GTF2H5: variants seen among roughly 807,000 people sequenced by gnomAD.
GTF2H5 encodes TFB5 ortholog.
A neutral mutation model predicts 7.1 loss-of-function variants in GTF2H5; 5 were observed. The ratio of observed to expected loss-of-function variants is 0.71; its 90% confidence interval spans 0.37 to 1.49. The LOEUF (loss-of-function observed/expected upper bound fraction) is 1.49, where lower values mean the gene tolerates loss of function less well. GTF2H5 is among the 40% of genes most tolerant of loss of function. GTF2H5 has a pLI of 0.03. For missense variants in GTF2H5, 80 were observed against 83.0 expected (o/e 0.96, Z 0.14); for synonymous variants, 30 against 31.7 (o/e 0.95, Z 0.18).
At chr6:158,183,129 CA>C (rs1232388790) in intron 2 of GTF2H5, among the ~76,000 whole-genome samples, 2 of 152,186 alleles carry the variant, frequency 1.3e-5, no homozygotes, top group Non-Finnish European at 2.9e-5. Context: ...TTCTAACAGA[CA>C]GGACCCTCAG....
At chr6:158,169,780 G>GTATATTATATATTATATAATATATTT (rs1785816961) in intron 1 of GTF2H5, among the ~76,000 whole-genome samples, 1 of 76,176 alleles carries the variant, frequency 1.3e-5, no homozygotes, top group Non-Finnish European at 2.4e-5. Context: ...ATAATATATT[G>GTATATTATATATTATATAATATATTT]TATATTATAT....
chr6:158,170,059 T>C (rs1259795784), intron 1 of GTF2H5, among the ~76,000 whole-genome samples: 1 of 151,764 alleles, frequency 6.6e-6, no homozygotes, highest in Admixed American at 6.6e-5. Context: ...GTGGTTGGGC[T>C]CACTGTATAA....
Position 158,170,469 on chromosome 6 carries a change from G to A in GTF2H5, c.-34-1G>A, listed in dbSNP as rs749820176. 5 of 1,556,364 alleles carry A rather than the reference G, an allele frequency of 3.2e-6. No homozygotes were observed. The highest frequency in any genetic ancestry group is 3.3e-5 in the Admixed American group (2 of 59,930). ...TAATGTTACCTTACTCTTTTTATTAGCATTCTTCAGGTCATCTGAACCTTC... is the reference window on the plus strand; with the variant it reads ...TAATGTTACCTTACTCTTTTTATTAACATTCTTCAGGTCATCTGAACCTTC... On this transcript the variant is annotated splice_acceptor_variant, in intron 1 of 2. Transcript: ENST00000607778. LOFTEE classifies it low-confidence loss of function (5UTR_SPLICE).
rs1371170622 is a variant in GTF2H5, at chr6:158,192,165, C to G, written c.*8C>G. 1.9e-6 allele frequency: 3 copies of G among 1,600,524 alleles called. No homozygotes were observed. The highest frequency in any genetic ancestry group is 2.7e-5 in the African/African-American group (2 of 74,624). On this transcript the variant is annotated 3_prime_UTR_variant, in exon 3 of 3. Transcript: ENST00000607778. ...TCCCTTACCCAGAAATGAAAATACT[C>G]AATATGGACCATTTAGGAATTATAA...
intron 1 of GTF2H5, among the ~76,000 whole-genome samples, chr6:158,169,798 A>G (rs1319493172): frequency 9.4e-6 from 1 of 106,246 alleles, no homozygotes; most frequent in African/African-American, 3.7e-5. Flanking sequence ...TATATTATAT[A>G]TTGTATATTA....
chr6:158,186,876 G>A (rs1776933663), intron 2 of GTF2H5, among the ~76,000 whole-genome samples: 1 of 152,236 alleles, frequency 6.6e-6, no homozygotes, highest in South Asian at 2.1e-4. Context: ...CAATAGAAAG[G>A]AATGTGTGGG....
intron 2 of GTF2H5, among the ~76,000 whole-genome samples, chr6:158,185,501 A>G (rs997201400): frequency 1.3e-5 from 2 of 149,406 alleles, no homozygotes; most frequent in African/African-American, 5.0e-5. Context: ...GGATTGTGCC[A>G]CTGCACTCCA....
intron 2 of GTF2H5, among the ~76,000 whole-genome samples, chr6:158,186,391 A>T (rs974423022): frequency 6.6e-6 from 1 of 152,252 alleles, no homozygotes; most frequent in Non-Finnish European, 1.5e-5. Context: ...GTTACTGAGA[A>T]TAAATTGGTG....
intron 2 of GTF2H5, among the ~76,000 whole-genome samples, chr6:158,183,372 C>T (rs1393836796): frequency 6.6e-6 from 1 of 152,174 alleles, no homozygotes; most frequent in Non-Finnish European, 1.5e-5. Context: ...TATCCATTAT[C>T]GGAGCTCAAA....
At chr6:158,184,372 G>A (rs1776867905) in intron 2 of GTF2H5, among the ~76,000 whole-genome samples, 2 of 152,176 alleles carry the variant, frequency 1.3e-5, no homozygotes, top group Admixed American at 6.5e-5. Flanking sequence ...TGGCAGAGCT[G>A]GGGTCTGGGG....
chr6:158,169,725 A>AATATATTGTATATTATATATTATATG, intron 1 of GTF2H5, among the ~76,000 whole-genome samples: 1 of 68,214 alleles, frequency 1.5e-5, no homozygotes, highest in Non-Finnish European at 2.4e-5. Context: ...TATATTATAT[A>AATATATTGTATATTATATATTATATG]ATATATTGTA....
At position 158,198,239 on chromosome 6, in the gene GTF2H5, A is replaced by G. The variant is rs932954135; in HGVS notation, c.*6082A>G. On this transcript the variant is annotated 3_prime_UTR_variant, in exon 3 of 3. Coordinates refer to ENST00000607778, the MANE Select transcript of GTF2H5 (RefSeq NM_207118.3). ...AGTCCACCAGCGGTCTGATGCTTTC[A>G]TTGATCTCAAAACTGTCTCTGAGTA... 9 of 152,224 alleles carry G rather than the reference A, an allele frequency of 5.9e-5. No homozygotes were observed. The highest frequency in any genetic ancestry group is 1.3e-4 in the Non-Finnish European group (9 of 68,052). 9.4% of individuals were successfully genotyped at this position (152,224 alleles called of 1,614,324 possible). A position where few individuals can be genotyped will look rare whatever the true frequency, so the allele number is the denominator to read the frequency against.
chr6:158,189,257 A>T (rs954129025), intron 2 of GTF2H5, among the ~76,000 whole-genome samples: 3 of 151,212 alleles, frequency 2.0e-5, no homozygotes, highest in African/African-American at 7.3e-5. Flanking sequence ...TTCCATAGAA[A>T]CCCCCAGTTA....
At chr6:158,178,365 G>GAGAA (rs1159679338) in intron 2 of GTF2H5, among the ~76,000 whole-genome samples, 2 of 148,956 alleles carry the variant, frequency 1.3e-5, no homozygotes, top group Non-Finnish European at 3.0e-5. Context: ...GCTGAGGCAG[G>GAGAA]AGAATGGCAT....
At chr6:158,177,548 G>A (rs11967187) in intron 2 of GTF2H5, among the ~76,000 whole-genome samples, 9,234 of 152,172 alleles carry the variant, frequency 0.061, 947 homozygotes, top group African/African-American at 0.21. Context: ...CACATGAAGG[G>A]TACAGTATGT....
chr6:158,190,705 GTGACA>G (rs1453980524), intron 2 of GTF2H5: 1 of 431,136 alleles, frequency 2.3e-6, no homozygotes, highest in Non-Finnish European at 4.6e-6. Context: ...GTAAATTATA[GTGACA>G]TCTTTTGGAT....
intron 1 of GTF2H5, among the ~76,000 whole-genome samples, chr6:158,169,705 T>TAA (rs1436805605): frequency 3.6e-5 from 3 of 82,734 alleles, no homozygotes; most frequent in African/African-American, 9.9e-5. Flanking sequence ...ATATAATATA[T>TAA]TGTATATTAT....
In GTF2H5 at chr6:158,169,700, ATATAT is replaced by A. The variant is rs1213870494; in HGVS notation, c.-34-768_-34-764del. 4.9e-4 allele frequency among the ~76,000 whole-genome samples: 40 copies of A among 81,922 alleles called. 3 individuals are homozygous for A. Among genetic ancestry groups the A allele is most frequent in the Non-Finnish European group, 7.2e-4 (34 of 47,286 alleles). The allele number at this position is 81,922 out of a possible 152,430, so 53.7% of individuals were successfully genotyped here. A position where few individuals can be genotyped will look rare whatever the true frequency, so the allele number is the denominator to read the frequency against. On this transcript the variant is annotated intron_variant, in intron 1 of 2. Transcript: ENST00000607778. ...TATAATATATAATATATATTATATA[ATATAT>A]TGTATATTATATATTATATAATATA...
At chr6:158,169,751 A>AATATATTGTATATTATATATT (rs1562469429) in intron 1 of GTF2H5, among the ~76,000 whole-genome samples, 27 of 56,626 alleles carry the variant, frequency 4.8e-4, no homozygotes, top group Non-Finnish European at 7.8e-4. Flanking sequence ...TATATTATAT[A>AATATATTGTATATTATATATT]ATATATTGTA....
Sources: allele counts gnomAD v4.1 joint callset (sites outside exome capture counted in the v4.1 genomes callset), GRCh38; gene constraint gnomAD v4.1.1; transcripts MANE v1.5; gene names NCBI Gene and HGNC (gene_info 2026-07-23, HGNC 2026-07-21).